The following CSMD1 variants were observed in gnomAD, a reference collection of about 807,000 sequenced individuals.
CSMD1 encodes CUB and Sushi multiple domains 1, also known as CUB and sushi domain-containing protein 1.
A neutral mutation model predicts 417.5 loss-of-function variants in CSMD1; 213 were observed. The observed-to-expected ratio is 0.51, with a 90% CI of 0.46 to 0.57. The LOEUF (loss-of-function observed/expected upper bound fraction) is 0.57. Ranked by LOEUF, CSMD1 falls within the 20% of genes least tolerant of loss-of-function variation. The pLI is 0.00. For synonymous variants in CSMD1, 2,862 were observed against 1,736.8 expected (o/e 1.65, Z -16.11); for missense variants, 6,923 against 4,529.7 (o/e 1.53, Z -15.17).
intron 3 of CSMD1, among the ~76,000 whole-genome samples, chr8:4,159,200 G>T (rs1290535470): frequency 6.6e-6 from 1 of 152,152 alleles, no homozygotes; most frequent in African/African-American, 2.4e-5. Flanking sequence ...ACAGGCATGA[G>T]CCACCGTGCC....
chr8:4,054,879 T>C (rs998831083), intron 3 of CSMD1, among the ~76,000 whole-genome samples: 3 of 152,156 alleles, frequency 2.0e-5, no homozygotes, highest in Non-Finnish European at 4.4e-5. Flanking sequence ...TTCTGTGACA[T>C]ACAAAGGCTA....
intron 65 of CSMD1, among the ~76,000 whole-genome samples, chr8:2,952,688 AT>A (rs34344539): frequency 0.19 from 29,188 of 152,120 alleles, 3,029 homozygotes; most frequent in East Asian, 0.28. Flanking sequence ...TACATAAAAA[AT>A]ATCTTCCCTA....
intron 6 of CSMD1, among the ~76,000 whole-genome samples, chr8:3,753,512 T>A (rs923274351): frequency 6.6e-6 from 1 of 152,236 alleles, no homozygotes; most frequent in Non-Finnish European, 1.5e-5. Context: ...ATTTATGTGG[T>A]GTGAAGACCT....
chr8:4,162,727 C>CCT (rs1797243035), intron 3 of CSMD1, among the ~76,000 whole-genome samples: 2 of 151,782 alleles, frequency 1.3e-5, no homozygotes, highest in African/African-American at 4.8e-5. Context: ...TTGTTCCAAT[C>CCT]GATGAACTTA....
chr8:4,916,535 G>C (rs1458194166), intron 1 of CSMD1, among the ~76,000 whole-genome samples: 3 of 152,144 alleles, frequency 2.0e-5, no homozygotes, highest in Admixed American at 6.5e-5. Context: ...CAGTTGTTTA[G>C]AATGAGAAAA....
chr8:3,745,827 C>T (rs954412765), intron 6 of CSMD1, among the ~76,000 whole-genome samples: 5 of 152,198 alleles, frequency 3.3e-5, no homozygotes, highest in African/African-American at 1.2e-4. Context: ...TTCCTGGTTT[C>T]CCTACAGCTG....
intron 2 of CSMD1, among the ~76,000 whole-genome samples, chr8:4,514,659 G>C (rs1299798348): frequency 6.6e-6 from 1 of 152,118 alleles, no homozygotes; most frequent in South Asian, 2.1e-4. Context: ...AAATAAAAAA[G>C]TAGACCTCAA....
chr8:3,149,440 C>T (rs1585482853), intron 40 of CSMD1, among the ~76,000 whole-genome samples: 1 of 152,040 alleles, frequency 6.6e-6, no homozygotes, highest in South Asian at 2.1e-4. Flanking sequence ...TATCACGTGC[C>T]AAACCCTGCA....
Position 4,994,568 on chromosome 8 carries a change from C to A in CSMD1, c.-152G>T. 1.5e-6 allele frequency: 1 copy of A among 670,762 alleles called. No homozygotes were observed. Among genetic ancestry groups the A allele is most frequent in the South Asian group, 1.8e-5 (1 of 56,218 alleles). 41.6% of individuals were successfully genotyped at this position (670,762 alleles called of 1,614,324 possible). On this transcript the variant is annotated 5_prime_UTR_variant, in exon 1 of 70. Transcript: ENST00000635120. ...CGCGCATCCGACGCCTCCTGAAGGT[C>A]TGGGCGCCCGGCTCGCTTCCCTCTC...
intron 49 of CSMD1, among the ~76,000 whole-genome samples, chr8:3,080,492 T>C (rs1308599367): frequency 6.6e-6 from 1 of 152,198 alleles, no homozygotes; most frequent in African/African-American, 2.4e-5. Flanking sequence ...AAAATACATT[T>C]TGCCGGCTCC....
chr8:3,355,035 A>T (rs1808689584), intron 21 of CSMD1, among the ~76,000 whole-genome samples: 1 of 151,676 alleles, frequency 6.6e-6, no homozygotes, highest in African/African-American at 2.4e-5. Flanking sequence ...ATTTTGTTTC[A>T]CTATGCTGTC....
At chr8:3,065,918 T>C (rs146320421) in intron 49 of CSMD1, among the ~76,000 whole-genome samples, 1 of 152,146 alleles carries the variant, frequency 6.6e-6, no homozygotes, top group Admixed American at 6.6e-5. Flanking sequence ...TCTACAGCTT[T>C]GAGGTTATCA....
intron 43 of CSMD1, among the ~76,000 whole-genome samples, 162 bp from the exon 44 acceptor site, chr8:3,108,910 G>C (rs1215428051): frequency 6.6e-6 from 1 of 152,220 alleles, no homozygotes; most frequent in East Asian, 1.9e-4. Context: ...TGTCCACAAA[G>C]TTGAGGAACC....
chr8:3,588,800 G>T (rs1042847396), intron 8 of CSMD1, among the ~76,000 whole-genome samples: 4 of 152,124 alleles, frequency 2.6e-5, no homozygotes. Context: ...ACACCCTGCA[G>T]AATGGGAGAA....
chr8:4,237,587 C>A (rs557904918), intron 3 of CSMD1, among the ~76,000 whole-genome samples: 2 of 151,622 alleles, frequency 1.3e-5, no homozygotes, highest in East Asian at 1.9e-4. Context: ...CAAGCTGGAG[C>A]ACAATAGTGT....
intron 3 of CSMD1, among the ~76,000 whole-genome samples, chr8:4,284,618 C>T (rs1002126525): frequency 1.3e-5 from 2 of 152,104 alleles, no homozygotes; most frequent in Admixed American, 6.5e-5. Context: ...GATGGTAAAA[C>T]TCACAGCAAC....
At chr8:3,268,072 A>G in intron 26 of CSMD1, among the ~76,000 whole-genome samples, 1 of 151,970 alleles carries the variant, frequency 6.6e-6, no homozygotes, top group Non-Finnish European at 1.5e-5. Flanking sequence ...CACAGCATTG[A>G]TCTCCAATGC....
rs905547585 is a variant in CSMD1, at chr8:3,361,355, A to G, written c.3116-2015T>C. Among the ~76,000 whole-genome samples, 3 of 152,112 alleles carry G rather than the reference A, an allele frequency of 2.0e-5. No homozygotes were observed. The South Asian group carries it at 6.2e-4, about 32-fold the overall frequency. ...TTAAAAATAGTTGAAAACTCCAGGCACTGTGGCTCATACCTGTAATCTCAG... is the reference window on the plus strand; with the variant it reads ...TTAAAAATAGTTGAAAACTCCAGGCGCTGTGGCTCATACCTGTAATCTCAG... On this transcript the variant is annotated intron_variant, in intron 20 of 69. Transcript: ENST00000635120.
intron 12 of CSMD1, among the ~76,000 whole-genome samples, chr8:3,426,258 T>C (rs1189510661): frequency 1.3e-5 from 2 of 152,242 alleles, no homozygotes; most frequent in African/African-American, 2.4e-5. Context: ...CGTTCCATCC[T>C]GCACATCACA....
Sources: gnomAD v4.1 joint callset for allele counts (sites outside exome capture counted in the v4.1 genomes callset) on GRCh38, gnomAD v4.1.1 for gene constraint, MANE v1.5 for transcripts, NCBI Gene and HGNC (gene_info 2026-07-23, HGNC 2026-07-21) for gene names.